Variants in RTN1 observed in about 807,000 individuals in gnomAD.
RTN1 encodes reticulon-1.
In RTN1, 25 loss-of-function variants were observed where a neutral mutation model predicts 65.5. That is an observed-to-expected ratio of 0.38 (90% confidence interval 0.28 to 0.53). RTN1 has a LOEUF of 0.53. Among genes scored for constraint, RTN1 ranks in the 20% least tolerant of loss-of-function variants. RTN1 has a pLI of 0.79. For missense variants in RTN1, 983 were observed against 1,025.4 expected (o/e 0.96, Z 0.57); for synonymous variants, 471 against 447.6 (o/e 1.05, Z -0.66).
intron 1 of RTN1, among the ~76,000 whole-genome samples, chr14:59,770,031 G>C (rs1399812755): frequency 1.3e-5 from 2 of 152,038 alleles, no homozygotes; most frequent in Non-Finnish European, 2.9e-5. Flanking sequence ...ACGTATAGTT[G>C]ACACTACATA....
chr14:59,684,701 G>A (rs189336194), intron 3 of RTN1, among the ~76,000 whole-genome samples: 45 of 152,060 alleles, frequency 3.0e-4, no homozygotes. Context: ...ACCTCCTTGA[G>A]ATTTTTTTTA....
At chr14:59,841,929 C>T (rs1319699815) in intron 1 of RTN1, among the ~76,000 whole-genome samples, 1 of 152,006 alleles carries the variant, frequency 6.6e-6, no homozygotes, top group African/African-American at 2.4e-5. Flanking sequence ...GAGTTCAAGA[C>T]CAGCTGGCCA....
chr14:59,672,673 G>A (rs1193621268), intron 3 of RTN1, among the ~76,000 whole-genome samples: 61 of 113,698 alleles, frequency 5.4e-4, no homozygotes, highest in Admixed American at 2.0e-3. Context: ...TCGCTCTGTC[G>A]CCCAGGCCGG....
intron 1 of RTN1, among the ~76,000 whole-genome samples, chr14:59,784,005 G>C (rs1343185120): frequency 1.3e-5 from 2 of 150,902 alleles, no homozygotes; most frequent in Non-Finnish European, 2.9e-5. Flanking sequence ...CTTATTGGCT[G>C]TTTGTTATTT....
chr14:59,826,421 C>G (rs1443421063), intron 1 of RTN1, among the ~76,000 whole-genome samples: 1 of 152,162 alleles, frequency 6.6e-6, no homozygotes, highest in Non-Finnish European at 1.5e-5. Context: ...TGAGTATTGT[C>G]CTGGATTCCA....
chr14:59,700,462 C>A (rs1884154174), intron 3 of RTN1, among the ~76,000 whole-genome samples: 1 of 152,142 alleles, frequency 6.6e-6, no homozygotes, highest in Admixed American at 6.6e-5. Context: ...CTTGCACTTC[C>A]AGATTTCACT....
chr14:59,727,807 C>A lies in RTN1; in HGVS notation c.1016-139G>T. ...TTGAGAAACACATATCTCATTAGCA[C>A]AAAAATAATCTGTTTCCAGGGCTAT... On this transcript the variant is annotated intron_variant, in intron 2 of 8. Transcript: ENST00000267484. The surrounding 1 kb of genome is among the most constrained non-coding windows in gnomAD (Gnocchi z 4.2). The A allele has an allele frequency of 3.3e-6, 4 of 1,218,054 alleles. No homozygotes were observed. The highest frequency in any genetic ancestry group is 4.4e-6 in the Non-Finnish European group (4 of 907,736). The allele number at this position is 1,218,054 out of a possible 1,614,324, so 75.5% of individuals were successfully genotyped here.
At chr14:59,824,804 T>C (rs1053547593) in intron 1 of RTN1, among the ~76,000 whole-genome samples, 1 of 152,236 alleles carries the variant, frequency 6.6e-6, no homozygotes, top group African/African-American at 2.4e-5. Flanking sequence ...GAAATCTAGA[T>C]CTCCAATTTC....
chr14:59,824,295 T>G (rs1203017778), intron 1 of RTN1, among the ~76,000 whole-genome samples: 1 of 152,222 alleles, frequency 6.6e-6, no homozygotes, highest in Admixed American at 6.5e-5. Context: ...TTCTACCATG[T>G]TCTTCATTAT....
Position 59,709,869 on chromosome 14 carries a change from C to G in RTN1, c.1765+17050G>C, listed in dbSNP as rs538508670. The stretch of plus-strand genomic sequence containing the variant: ...GGAAGAACATAACTGAACCTCACCC[C>G]CAAATACTACTTCAAATATTCCTAA... On this transcript the variant is annotated intron_variant, in intron 3 of 8. Coordinates refer to ENST00000267484, the MANE Select transcript of RTN1 (RefSeq NM_021136.3). 3.3e-5 allele frequency among the ~76,000 whole-genome samples: 5 copies of G among 152,198 alleles called. No homozygotes were observed. In the South Asian group the frequency reaches 1.0e-3, roughly 32 times the overall value.
intron 1 of RTN1, among the ~76,000 whole-genome samples, chr14:59,757,325 G>A (rs184831026): frequency 6.8e-4 from 103 of 152,178 alleles, no homozygotes; most frequent in African/African-American, 2.1e-3. Flanking sequence ...TGAAATATGT[G>A]GGCAGTTTCC....
chr14:59,751,262 CA>C (rs1358459475), intron 1 of RTN1, among the ~76,000 whole-genome samples: 2 of 112,692 alleles, frequency 1.8e-5, no homozygotes, highest in African/African-American at 7.0e-5. Context: ...ATCTCAGTAA[CA>C]AAAGGAATAA....
chr14:59,721,559 G>A (rs1884647635), intron 3 of RTN1, among the ~76,000 whole-genome samples: 1 of 152,200 alleles, frequency 6.6e-6, no homozygotes, highest in Admixed American at 6.5e-5. Flanking sequence ...GGGGTAGATT[G>A]AGAATCTGAA....
rs78477524 is a variant in RTN1 at position 59,712,210 on chromosome 14, G to A, written c.1765+14709C>T. On this transcript the variant is annotated intron_variant, in intron 3 of 8. Coordinates refer to ENST00000267484, the MANE Select transcript of RTN1 (RefSeq NM_021136.3). ...AGGCTAAGGGAGGATTGTGGAGGGAGCCCCAAAATACATAGGCCTAAAGAT... is the reference window on the plus strand; with the variant it reads ...AGGCTAAGGGAGGATTGTGGAGGGAACCCCAAAATACATAGGCCTAAAGAT... Among the ~76,000 whole-genome samples, 840 of 152,180 alleles carry A rather than the reference G, an allele frequency of 5.5e-3. 7 individuals carry two copies. Among genetic ancestry groups the A allele is most frequent in the African/African-American group, 0.019 (793 of 41,512 alleles).
intron 3 of RTN1, among the ~76,000 whole-genome samples, chr14:59,669,826 A>G (rs1883464382): frequency 6.6e-6 from 1 of 152,152 alleles, no homozygotes; most frequent in African/African-American, 2.4e-5. Context: ...ACTTGCAGCC[A>G]AAAGCATTTC....
At chr14:59,807,221 A>T (rs189029995) in intron 1 of RTN1, among the ~76,000 whole-genome samples, 1 of 152,198 alleles carries the variant, frequency 6.6e-6, no homozygotes, top group Admixed American at 6.5e-5. Context: ...TGCAGAGTGA[A>T]GAGCTGAATT....
At position 59,869,863 on chromosome 14, in the gene RTN1, G is replaced by A. The variant is rs199864828; in HGVS notation, c.241+527C>T. On this transcript the variant is annotated intron_variant, in intron 1 of 8. Coordinates refer to ENST00000267484, the MANE Select transcript of RTN1 (RefSeq NM_021136.3). The stretch of plus-strand genomic sequence containing the variant: ...GAGGGATGTGGGGGGAGTAAGGTGT[G>A]GTGGCGATTCGTGGAGGGCAAGGGT... 1.2e-4 allele frequency among the ~76,000 whole-genome samples: 18 copies of A among 152,310 alleles called. No homozygotes were observed. The East Asian group carries it at 3.5e-3, about 29-fold the overall frequency.
chr14:59,775,835 C>A (rs1000792931), intron 1 of RTN1, among the ~76,000 whole-genome samples: 2 of 152,152 alleles, frequency 1.3e-5, no homozygotes, highest in Non-Finnish European at 2.9e-5. Flanking sequence ...CTCTTTCATA[C>A]AGCAGAAAGT....
At chr14:59,848,919 A>G (rs913078904) in intron 1 of RTN1, among the ~76,000 whole-genome samples, 1 of 151,840 alleles carries the variant, frequency 6.6e-6, no homozygotes, top group African/African-American at 2.4e-5. Context: ...AAGGACTCCA[A>G]ATCCTTAGCT....
Sources: gnomAD v4.1 joint callset for allele counts (sites outside exome capture counted in the v4.1 genomes callset) on GRCh38, gnomAD v4.1.1 for gene constraint, Gnocchi (gnomAD v3.1) non-coding constraint, MANE v1.5 for transcripts, NCBI Gene and HGNC (gene_info 2026-07-23, HGNC 2026-07-21) for gene names.